USH2A: variants seen among roughly 807,000 people sequenced by gnomAD.
USH2A encodes Usher syndrome 2A (autosomal recessive, mild).
In USH2A, 443 loss-of-function variants were observed where a neutral mutation model predicts 538.9. The ratio of observed to expected loss-of-function variants is 0.82; its 90% CI spans 0.76 to 0.89. The LOEUF is 0.89. Ranked by LOEUF, USH2A falls within the 40% of genes least tolerant of loss-of-function variation. The pLI, the probability that USH2A is intolerant of heterozygous loss-of-function variation, is 0.00. For synonymous variants in USH2A, 2,413 were observed against 2,273.5 expected (o/e 1.06, Z -1.75); for missense variants, 6,633 against 6,324.8 (o/e 1.05, Z -1.65).
chr1:215,975,676 GTC>G (rs1667603466), intron 35 of USH2A, among the ~76,000 whole-genome samples: 1 of 152,054 alleles, frequency 6.6e-6, no homozygotes, highest in Non-Finnish European at 1.5e-5. Flanking sequence ...TGGTCTATGT[GTC>G]TGTTTTTGTA....
At position 215,743,181 on chromosome 1, in the gene USH2A, T is replaced by C. The variant is rs1213950694; in HGVS notation, c.11544A>G (p.Gln3848=). Residue 3848 remains glutamine, a synonymous_variant, in exon 59 of 72, where the codon CAA becomes CAG. Transcript: ENST00000307340. ...TQYEIRIQAC[Q]NGSCGVSSRM... is the part of the protein sequence containing the mutation. ...AAGTGTCTGAAAGACTTTCACCATT[T>C]TGACATGCTTGTATCCTTATCTCAT... 1.2e-6 allele frequency: 2 copies of C among 1,609,764 alleles called. No homozygotes were observed. Among genetic ancestry groups the C allele is most frequent in the Admixed American group, 3.3e-5 (2 of 59,730 alleles).
intron 37 of USH2A, among the ~76,000 whole-genome samples, chr1:215,936,956 C>A (rs1205675479): frequency 2.6e-5 from 4 of 151,918 alleles, no homozygotes; most frequent in African/African-American, 9.7e-5. Context: ...TAAAAACATA[C>A]AAAAAGTTAT....
In USH2A at chr1:215,685,690, A is replaced by AT. The variant is rs1279509046; in HGVS notation, c.12067-5315dup. Among the ~76,000 whole-genome samples the AT allele has an allele frequency of 4.9e-4, 33 of 66,970 alleles. No homozygotes were observed. The South Asian group carries it at 0.022, about 45-fold the overall frequency. The allele number at this position is 66,970 out of a possible 152,430, so 43.9% of individuals were successfully genotyped here. Reference sequence around the variant, plus strand: ...CAGTCTTGATACAGAAATTATTATTATTATTTTTTTACCACGCATTAGGCA... The same window carrying AT: ...CAGTCTTGATACAGAAATTATTATTATTTATTTTTTTACCACGCATTAGGCA... On this transcript the variant is annotated intron_variant, in intron 61 of 71. Coordinates refer to ENST00000307340, the MANE Select transcript of USH2A (RefSeq NM_206933.4).
intron 49 of USH2A, among the ~76,000 whole-genome samples, chr1:215,813,462 C>T (rs914026360): frequency 2.0e-5 from 3 of 152,150 alleles, no homozygotes; most frequent in Non-Finnish European, 4.4e-5. Flanking sequence ...AAAAAAGCCA[C>T]AAGATAAAAG....
chr1:216,044,812 C>G (rs1233353356), intron 32 of USH2A, among the ~76,000 whole-genome samples: 1 of 152,122 alleles, frequency 6.6e-6, no homozygotes, highest in Non-Finnish European at 1.5e-5. Flanking sequence ...CCCTCAGTTT[C>G]TTCACTTGTA....
At chr1:216,190,177 T>C in intron 20 of USH2A, 46 bp downstream of exon 20, 1 of 1,610,276 alleles carries the variant, frequency 6.2e-7, no homozygotes. Context: ...TAAGTTTTTT[T>C]TCTTGATAGG....
intron 21 of USH2A, among the ~76,000 whole-genome samples, chr1:216,109,369 C>T (rs1276544672): frequency 6.6e-6 from 1 of 152,110 alleles, no homozygotes; most frequent in Non-Finnish European, 1.5e-5. Flanking sequence ...GCATACTCCT[C>T]CGCTGTCTGA....
In USH2A at chr1:215,877,882, T is replaced by C. The variant is rs397518039; in HGVS notation, c.8559-2A>G. The C allele has an allele frequency of 9.9e-6, 16 of 1,613,600 alleles. No individual in the cohort carries two copies. The East Asian group carries it at 3.3e-4, about 34-fold the overall frequency. On this transcript the variant is annotated splice_acceptor_variant, in intron 42 of 71. Coordinates refer to ENST00000307340, the MANE Select transcript of USH2A (RefSeq NM_206933.4). LOFTEE classifies it high-confidence loss of function. ...ATTTTACGTCTCAGAAGCTCATATC[T>C]AAAGCAAAAGACAAGCAGGAACATC...
At chr1:215,987,452 C>T (rs370905796) in intron 35 of USH2A, among the ~76,000 whole-genome samples, 22 of 152,172 alleles carry the variant, frequency 1.4e-4, no homozygotes, top group African/African-American at 4.8e-4. Context: ...TCTGAAATCA[C>T]AGCCTGTAAA....
chr1:215,782,006 A>C (rs749385532), intron 54 of USH2A, 36 bp downstream of exon 54: 1 of 1,612,986 alleles, frequency 6.2e-7, no homozygotes, highest in South Asian at 1.1e-5. Context: ...TTCACACTGA[A>C]CCCCTTTTCC....
At chr1:216,407,732 G>A (rs940924685) in intron 3 of USH2A, among the ~76,000 whole-genome samples, 1 of 151,984 alleles carries the variant, frequency 6.6e-6, no homozygotes, top group Non-Finnish European at 1.5e-5. Flanking sequence ...AGCCCTTTGG[G>A]CACAAAAATG....
intron 16 of USH2A, 46 bp from the exon 17 acceptor site, chr1:216,200,167 T>C (rs1436053383): frequency 1.3e-6 from 2 of 1,579,800 alleles, no homozygotes; most frequent in Non-Finnish European, 1.7e-6. Flanking sequence ...TTTCACAAGT[T>C]GGTGAAGAAT....
chr1:216,033,483 C>T (rs1403453021), intron 32 of USH2A, among the ~76,000 whole-genome samples: 1 of 152,008 alleles, frequency 6.6e-6, no homozygotes, highest in South Asian at 2.1e-4. Context: ...TTTCACAAAA[C>T]AAACCAACAG....
intron 3 of USH2A, among the ~76,000 whole-genome samples, chr1:216,417,629 C>G (rs1463857077): frequency 6.6e-6 from 1 of 151,984 alleles, no homozygotes; most frequent in East Asian, 1.9e-4. Flanking sequence ...CTTTCTTTTC[C>G]TCCCTATTCT....
At chr1:215,688,397 C>G (rs930794261) in intron 61 of USH2A, among the ~76,000 whole-genome samples, 1 of 152,068 alleles carries the variant, frequency 6.6e-6, no homozygotes, top group African/African-American at 2.4e-5. Context: ...GGAAAACTAT[C>G]GAAGGCCTGT....
chr1:216,259,856 A>G (rs1227345375), intron 11 of USH2A, among the ~76,000 whole-genome samples: 1 of 152,130 alleles, frequency 6.6e-6, no homozygotes, highest in Non-Finnish European at 1.5e-5. Context: ...AATTTTAATG[A>G]GACCAGCAGA....
At chr1:215,730,470 A>T (rs931948340) in intron 60 of USH2A, among the ~76,000 whole-genome samples, 1 of 152,142 alleles carries the variant, frequency 6.6e-6, no homozygotes, top group Non-Finnish European at 1.5e-5. Flanking sequence ...CTCTCTCTCT[A>T]GTTGAGAAGA....
chr1:216,308,017 C>G (rs1176554171), intron 9 of USH2A, among the ~76,000 whole-genome samples: 7 of 152,120 alleles, frequency 4.6e-5, no homozygotes, highest in Non-Finnish European at 8.8e-5. Context: ...TGCAGTAGTT[C>G]TTGGAGAAAA....
Position 216,232,085 on chromosome 1 carries a change from T to A in USH2A, c.2861A>T (p.His954Leu). The A allele has an allele frequency of 1.2e-6, 2 of 1,614,016 alleles. No individual in the cohort carries two copies. The highest frequency in any genetic ancestry group is 1.7e-6 in the Non-Finnish European group (2 of 1,179,920). The change falls in exon 14 of 72, where the codon CAT becomes CTT. Residue 954 changes from histidine to leucine, a missense_variant. Coordinates refer to ENST00000307340, the MANE Select transcript of USH2A (RefSeq NM_206933.4). ...NATGCLPCSC[H>L]TTGAVNHICN... The stretch of plus-strand genomic sequence containing the variant: ...GATGTGATTAACTGCACCAGTTGTA[T>A]GGCATGAGCATGGCAGGCAGCCAGT...
Sources: gnomAD v4.1 joint callset for allele counts (sites outside exome capture counted in the v4.1 genomes callset) on GRCh38, gnomAD v4.1.1 for gene constraint, MANE v1.5 for transcripts, NCBI Gene and HGNC (gene_info 2026-07-23, HGNC 2026-07-21) for gene names.